Variants in HERC2 observed in about 807,000 individuals in gnomAD.
The protein encoded by HERC2 is E3 ubiquitin-protein ligase HERC2.
In HERC2, 102 loss-of-function variants were observed where a neutral mutation model predicts 537.7. The observed-to-expected ratio is 0.19, with a 90% CI of 0.16 to 0.22. The LOEUF (loss-of-function observed/expected upper bound fraction) is 0.22, where lower values mean the gene tolerates loss of function less well. Ranked by LOEUF, HERC2 falls within the 10% of genes least tolerant of loss-of-function variation. The pLI is 1.00. For synonymous variants in HERC2, 2,224 were observed against 2,466.2 expected (o/e 0.90, Z 2.91); for missense variants, 4,236 against 6,198.2 (o/e 0.68, Z 10.63).
intron 44 of HERC2, among the ~76,000 whole-genome samples, chr15:28,209,218 A>G (rs1898834576): frequency 6.6e-6 from 1 of 152,218 alleles, no homozygotes. Flanking sequence ...CTCCATATCC[A>G]TGGGTTCTGC....
In HERC2 at chr15:28,132,169, C is replaced by A. The variant is rs754279344; in HGVS notation, c.12501G>T (p.Trp4167Cys). The A allele has an allele frequency of 2.5e-6, 4 of 1,613,938 alleles. No homozygotes were observed. Among genetic ancestry groups the A allele is most frequent in the Non-Finnish European group, 3.4e-6 (4 of 1,179,886 alleles). Residue 4167 changes from tryptophan (W) to cysteine (C), a missense_variant, in exon 81 of 93, where the codon TGG becomes TGT. Trp to Cys is a radical substitution (Grantham distance 215). This residue lies in a region of HERC2 where 94 missense variants were observed against 137.4 expected (regional missense o/e 0.68). Coordinates refer to ENST00000261609, the MANE Select transcript of HERC2 (RefSeq NM_004667.6). ...TGCCGTAGTCCCCGTCCCCCCAGGA[C>A]CAGACAGTGTCGTCATCTGTGAGGC... The part of the protein sequence containing the change: ...TLCLTDDDTV[W>C]SWGDGDYGKL...
chr15:28,276,282 G>A (rs1028155317), intron 5 of HERC2, among the ~76,000 whole-genome samples: 9 of 151,502 alleles, frequency 5.9e-5, no homozygotes, highest in Non-Finnish European at 8.8e-5. Context: ...TGAAGAACAC[G>A]GCTGGCCAGG....
At chr15:28,134,326 G>A (rs969868129) in intron 79 of HERC2, among the ~76,000 whole-genome samples, 5 of 152,128 alleles carry the variant, frequency 3.3e-5, no homozygotes, top group East Asian at 1.9e-4. Context: ...CTTCTATCCC[G>A]CAACACTGCT....
chr15:28,117,244 A>G (rs763118901), intron 86 of HERC2, 90 bp from the exon 87 acceptor site: 4 of 1,306,154 alleles, frequency 3.1e-6, no homozygotes, highest in Middle Eastern at 1.8e-4. Flanking sequence ...ATGCACGAGG[A>G]GGAGGCACCG....
chr15:28,237,433 A>G (rs1242349320), intron 25 of HERC2, among the ~76,000 whole-genome samples: 1 of 152,250 alleles, frequency 6.6e-6, no homozygotes, highest in Non-Finnish European at 1.5e-5. Flanking sequence ...TTCAGAAAGT[A>G]TAATGAATTG....
intron 2 of HERC2, among the ~76,000 whole-genome samples, chr15:28,304,535 T>A (rs2076726898): frequency 2.0e-5 from 3 of 151,734 alleles, no homozygotes; most frequent in Non-Finnish European, 4.4e-5. Context: ...GCCTAGCTAA[T>A]TTTTATATTT....
chr15:28,113,281 C>T lies in HERC2; in HGVS notation c.14022G>A (p.Val4674=), dbSNP rs2142033453. ...LFTGYELETM[V]CGSPDIPLHL... is the part of the protein sequence containing the mutation. ...GCAGCGGGATGTCAGGGCTGCCACA[C>T]ACCTGCGGGAGGATGTCTGTCAGGG... is the stretch of plus-strand genomic sequence containing the variant. Residue 4674 remains valine, a splice_region_variant and synonymous_variant, in exon 92 of 93, where the codon GTG becomes GTA. Coordinates refer to ENST00000261609, the MANE Select transcript of HERC2 (RefSeq NM_004667.6). The surrounding 1 kb of genome is among the most constrained non-coding windows in gnomAD (Gnocchi z 7.0). 3.7e-6 allele frequency: 6 copies of T among 1,613,990 alleles called. No individual in the cohort carries two copies. The highest frequency in any genetic ancestry group is 3.4e-6 in the Non-Finnish European group (4 of 1,179,974).
At chr15:28,136,795 A>G (rs1240838869) in intron 78 of HERC2, among the ~76,000 whole-genome samples, 1 of 152,254 alleles carries the variant, frequency 6.6e-6, no homozygotes, top group Non-Finnish European at 1.5e-5. Flanking sequence ...CCCTTTACAG[A>G]AAGTGTTTAC....
chr15:28,195,392 C>T (rs1318641835), intron 52 of HERC2, among the ~76,000 whole-genome samples: 13 of 151,640 alleles, frequency 8.6e-5, no homozygotes, highest in African/African-American at 2.4e-4. Context: ...ACCTAGGAGG[C>T]GGAGGTTGCA....
chr15:28,174,693 C>A, intron 64 of HERC2, 73 bp from the exon 65 acceptor site: 2 of 1,216,940 alleles, frequency 1.6e-6, no homozygotes, highest in Non-Finnish European at 2.3e-6. Context: ...ATTTTTACTT[C>A]AAAATGCTTA....
chr15:28,189,194 G>C (rs1209808220), intron 55 of HERC2, among the ~76,000 whole-genome samples: 3 of 152,176 alleles, frequency 2.0e-5, no homozygotes. Context: ...TTGGTCAGCT[G>C]GGGGCATGCA....
intron 2 of HERC2, among the ~76,000 whole-genome samples, chr15:28,303,726 G>A (rs1443837728): frequency 6.6e-6 from 1 of 152,100 alleles, no homozygotes; most frequent in Non-Finnish European, 1.5e-5. Context: ...TCAATTTTCT[G>A]CATCACTGTT....
At chr15:28,299,714 A>T (rs1386087992) in intron 2 of HERC2, among the ~76,000 whole-genome samples, 198 bp from the exon 3 acceptor site, 1 of 152,254 alleles carries the variant, frequency 6.6e-6, no homozygotes, top group Non-Finnish European at 1.5e-5. Context: ...GAAAAGGTGC[A>T]TAATAGTATA....
chr15:28,115,612 C>A, intron 88 of HERC2, 71 bp from the exon 89 acceptor site: 1 of 1,058,292 alleles, frequency 9.4e-7, no homozygotes, highest in Non-Finnish European at 1.4e-6. Context: ...CACTCACACA[C>A]GCCACTGACA....
chr15:28,191,927 A>T (rs1287089527), intron 53 of HERC2, 34 bp downstream of exon 53: 1 of 1,585,916 alleles, frequency 6.3e-7, no homozygotes, highest in Admixed American at 1.7e-5. Flanking sequence ...CATCGGTGTG[A>T]AAGTGCCCGC....
intron 69 of HERC2, among the ~76,000 whole-genome samples, chr15:28,155,463 T>C (rs1348606551): frequency 1.3e-5 from 2 of 152,184 alleles, no homozygotes; most frequent in African/African-American, 4.8e-5. Flanking sequence ...CCATTCTAAC[T>C]GGTGTGAGAT....
chr15:28,302,702 A>C (rs1333452299), intron 2 of HERC2, among the ~76,000 whole-genome samples: 1 of 122,344 alleles, frequency 8.2e-6, no homozygotes, highest in Non-Finnish European at 1.7e-5. Flanking sequence ...AGCCATTTTA[A>C]TTAGGGTGAG....
Position 28,280,103 on chromosome 15 carries a change from G to A in HERC2, c.507C>T (p.Ser169=), listed in dbSNP as rs371287419. The change falls in exon 5 of 93, where the codon AGC becomes AGT. Residue 169 remains serine (S), a synonymous_variant. Transcript: ENST00000261609. ...FQENVKVKWK[S]SGISLPPVDK... ...CCACAGGAGGCAGAGAAATACCGCT[G>A]CTTTTCCACTTAACTTTGACATTCT... The A allele has an allele frequency of 6.8e-6, 11 of 1,614,040 alleles. No homozygotes were observed. Among genetic ancestry groups the A allele is most frequent in the Non-Finnish European group, 8.5e-6 (10 of 1,179,996 alleles).
In HERC2 at chr15:28,176,788, AAAAC is replaced by A; in HGVS notation, c.9433-24_9433-21del. ...TTTCACCTACTCAATTACAAATTTA[AAAAC>A]AGAATCACGCACAGGCACGGAGAAA... On this transcript the variant is annotated intron_variant, in intron 61 of 92. Transcript: ENST00000261609. The surrounding 1 kb of genome is among the most constrained non-coding windows in gnomAD (Gnocchi z 5.0). 6.2e-7 allele frequency: 1 copy of A among 1,611,420 alleles called. No homozygotes were observed. Among genetic ancestry groups the A allele is most frequent in the Non-Finnish European group, 8.5e-7 (1 of 1,178,160 alleles).
Sources: allele counts gnomAD v4.1 joint callset (sites outside exome capture counted in the v4.1 genomes callset), GRCh38; gene constraint gnomAD v4.1.1; regional missense constraint gnomAD v4.1.1; non-coding constraint Gnocchi (gnomAD v3.1); transcripts MANE v1.5; gene names NCBI Gene and HGNC (gene_info 2026-07-23, HGNC 2026-07-21).